The following HEPHL1 variants were observed in gnomAD, a reference collection of about 807,000 sequenced individuals.
HEPHL1 encodes ferroxidase HEPHL1.
In HEPHL1, 123 loss-of-function variants were observed where a neutral mutation model predicts 122.0. That is an observed-to-expected ratio of 1.01 (90% CI 0.87 to 1.17). The LOEUF is 1.17. HEPHL1 is among the 50% of genes most tolerant of loss of function. The pLI is 0.00. For synonymous variants in HEPHL1, 527 were observed against 508.9 expected, an observed-to-expected ratio of 1.04 and a Z score of -0.48; for missense variants, 1,452 against 1,430.5, an observed-to-expected ratio of 1.01 and a Z score of -0.24.
intron 1 of HEPHL1, among the ~76,000 whole-genome samples, chr11:94,032,244 T>C (rs1246790205): frequency 6.6e-6 from 1 of 152,216 alleles, no homozygotes; most frequent in African/African-American, 2.4e-5. Context: ...CCAGCTGCTC[T>C]ACCCCTTAAT....
chr11:94,064,618 T>C, intron 4 of HEPHL1, 108 bp downstream of exon 4: 1 of 744,536 alleles, frequency 1.3e-6, no homozygotes, highest in African/African-American at 1.8e-5. Flanking sequence ...GCATGATTTA[T>C]AACTCAGGGA....
At chr11:94,111,357 G>A (rs1241587481) in intron 18 of HEPHL1, among the ~76,000 whole-genome samples, 180 bp from the exon 19 acceptor site, 1 of 152,096 alleles carries the variant, frequency 6.6e-6, no homozygotes, top group African/African-American at 2.4e-5. Flanking sequence ...GAGCAGAAGT[G>A]GGAAAGACAG....
intron 9 of HEPHL1, among the ~76,000 whole-genome samples, chr11:94,079,870 C>A (rs1280375315): frequency 1.3e-5 from 2 of 152,094 alleles, no homozygotes; most frequent in Non-Finnish European, 2.9e-5. Context: ...GGGTGGGGAG[C>A]ATGTTAGAGA....
intron 11 of HEPHL1, among the ~76,000 whole-genome samples, chr11:94,088,353 C>A (rs139799086): frequency 1.3e-5 from 2 of 152,232 alleles, no homozygotes; most frequent in African/African-American, 4.8e-5. Context: ...AGAAATATGG[C>A]TTAATTTGAA....
Position 94,102,991 on chromosome 11 carries a change from G to T in HEPHL1, c.2653G>T (p.Val885Phe). Residue 885 changes from valine to phenylalanine, a missense_variant, in exon 15 of 20, where the codon GTT (valine) becomes TTT (phenylalanine). By Grantham distance (50) the Val-to-Phe change is conservative (BLOSUM62 -1). Coordinates refer to ENST00000315765, the MANE Select transcript of HEPHL1 (RefSeq NM_001098672.2). Reference sequence around the variant, plus strand: ...TTCTGATCCCAATTGTATTCCATGGGTTTACTATTCAACAGTAAACTTTGT... The same window carrying T: ...TTCTGATCCCAATTGTATTCCATGGTTTTACTATTCAACAGTAAACTTTGT... ...GPSDPNCIPWVYYSTVNFVKD... is the reference protein window; with the variant it reads ...GPSDPNCIPWFYYSTVNFVKD... 1 of 1,605,378 alleles carries T rather than the reference G, an allele frequency of 6.2e-7. No individual in the cohort carries two copies. Among genetic ancestry groups the T allele is most frequent in the Non-Finnish European group, 8.5e-7 (1 of 1,172,194 alleles).
intron 1 of HEPHL1, among the ~76,000 whole-genome samples, chr11:94,024,237 C>G (rs1945605477): frequency 6.6e-6 from 1 of 152,164 alleles, no homozygotes; most frequent in Non-Finnish European, 1.5e-5. Context: ...ATCCAGAGAC[C>G]TAACTTCTAA....
intron 12 of HEPHL1, among the ~76,000 whole-genome samples, 167 bp downstream of exon 12, chr11:94,089,135 C>T (rs2134443519): frequency 6.6e-6 from 1 of 152,294 alleles, no homozygotes; most frequent in Non-Finnish European, 1.5e-5. Flanking sequence ...CCTCGGCCTC[C>T]GGAAGGCAGC....
At chr11:94,068,867 A>G (rs1831665143) in intron 5 of HEPHL1, among the ~76,000 whole-genome samples, 1 of 152,202 alleles carries the variant, frequency 6.6e-6, no homozygotes, top group Admixed American at 6.6e-5. Flanking sequence ...TTTGGATACT[A>G]ACTTCCCATA....
intron 4 of HEPHL1, among the ~76,000 whole-genome samples, chr11:94,064,768 C>T (rs1193804004): frequency 3.3e-5 from 5 of 152,026 alleles, no homozygotes; most frequent in Non-Finnish European, 7.4e-5. Context: ...ATGGAGGGAT[C>T]GATGTTATAT....
At chr11:94,080,666 T>C (rs1232474738) in intron 9 of HEPHL1, among the ~76,000 whole-genome samples, 3 of 152,320 alleles carry the variant, frequency 2.0e-5, no homozygotes, top group Admixed American at 2.0e-4. Flanking sequence ...AAGACATCTA[T>C]GCAGCCAATA....
rs904140213 is a variant in HEPHL1 at position 94,113,177 on chromosome 11, G to A, written c.*1283G>A. 1.3e-5 allele frequency: 2 copies of A among 152,168 alleles called. No homozygotes were observed. Among genetic ancestry groups the A allele is most frequent in the Non-Finnish European group, 2.9e-5 (2 of 68,032 alleles). The allele number at this position is 152,168 out of a possible 1,614,324, so 9.4% of individuals were successfully genotyped here. A position where few individuals can be genotyped will look rare whatever the true frequency, so the allele number is the denominator to read the frequency against. On this transcript the variant is annotated 3_prime_UTR_variant, in exon 20 of 20. Transcript: ENST00000315765. ...GTCCATACCTATGCTTAGACAGTAG[G>A]TGTAAGATTGATAAAAGTAACATTG...
intron 2 of HEPHL1, among the ~76,000 whole-genome samples, chr11:94,050,933 G>A (rs1436033509): frequency 6.6e-6 from 1 of 151,976 alleles, no homozygotes; most frequent in East Asian, 1.9e-4. Flanking sequence ...TTCTGTGCCT[G>A]GCTTATTTCA....
At chr11:94,044,267 T>A (rs1334047850) in intron 1 of HEPHL1, among the ~76,000 whole-genome samples, 1 of 152,050 alleles carries the variant, frequency 6.6e-6, no homozygotes, top group Non-Finnish European at 1.5e-5. Flanking sequence ...AGGCATCTGG[T>A]CATCTCAAGT....
intron 1 of HEPHL1, among the ~76,000 whole-genome samples, chr11:94,037,291 G>A (rs1248515205): frequency 6.6e-6 from 1 of 151,948 alleles, no homozygotes; most frequent in African/African-American, 2.4e-5. Context: ...GAGGCTGGGG[G>A]AGGGGCGCCC....
chr11:94,091,440 C>T lies in HEPHL1; in HGVS notation c.2295-2061C>T, dbSNP rs571206240. ...TGGTCACTACCACATGTAACTGGGT[C>T]TCCTGAAAAATGAAAGTAGAAGAAA... On this transcript the variant is annotated intron_variant, in intron 12 of 19. Coordinates refer to ENST00000315765, the MANE Select transcript of HEPHL1 (RefSeq NM_001098672.2). Among the ~76,000 whole-genome samples the T allele has an allele frequency of 4.6e-5, 7 of 152,280 alleles. No individual in the cohort carries two copies. In the South Asian group the frequency reaches 1.5e-3, roughly 32 times the overall value.
At position 94,042,882 on chromosome 11, in the gene HEPHL1, A is replaced by AAAAAACAAAAAACAAAC. The variant is rs1555058752; in HGVS notation, c.171-2786_171-2785insCAAAAAACAAACAAAAA. Among the ~76,000 whole-genome samples the AAAAAACAAAAAACAAAC allele has an allele frequency of 6.7e-3, 914 of 136,856 alleles. 18 individuals are homozygous for AAAAAACAAAAAACAAAC. Among genetic ancestry groups the AAAAAACAAAAAACAAAC allele is most frequent in the Non-Finnish European group, 0.011 (674 of 64,002 alleles). The allele number at this position is 136,856 out of a possible 152,430, so 89.8% of individuals were successfully genotyped here. ...CTAAAACTTAAAGTATAATAAAAAA[A>AAAAAACAAAAAACAAAC]AAAAAAAAAAACTGCATGAATTGCT... On this transcript the variant is annotated intron_variant, in intron 1 of 19. Coordinates refer to ENST00000315765, the MANE Select transcript of HEPHL1 (RefSeq NM_001098672.2).
At chr11:94,047,815 G>A (rs1318588516) in intron 2 of HEPHL1, among the ~76,000 whole-genome samples, 1 of 152,122 alleles carries the variant, frequency 6.6e-6, no homozygotes, top group Non-Finnish European at 1.5e-5. Flanking sequence ...TTAGGCCAGT[G>A]ATTCTAAAGC....
chr11:94,112,463 C>T lies in HEPHL1; in HGVS notation c.*569C>T, dbSNP rs529785411. On this transcript the variant is annotated 3_prime_UTR_variant, in exon 20 of 20. Coordinates refer to ENST00000315765, the MANE Select transcript of HEPHL1 (RefSeq NM_001098672.2). ...GGAGGCTTTAACCAGCTCTCCTGGCCTTTTCCTCTTTGATATAAATAGCCT... is the reference window on the plus strand; with the variant it reads ...GGAGGCTTTAACCAGCTCTCCTGGCTTTTTCCTCTTTGATATAAATAGCCT... The T allele has an allele frequency of 6.6e-6, 1 of 152,354 alleles. No individual in the cohort carries two copies. Among genetic ancestry groups the T allele is most frequent in the Non-Finnish European group, 1.5e-5 (1 of 68,040 alleles). The allele number at this position is 152,354 out of a possible 1,614,324, so 9.4% of individuals were successfully genotyped here.
At chr11:94,054,048 T>A (rs913303292) in intron 2 of HEPHL1, among the ~76,000 whole-genome samples, 3 of 152,218 alleles carry the variant, frequency 2.0e-5, no homozygotes, top group Non-Finnish European at 2.9e-5. Context: ...GAGAGTTGAG[T>A]ATTGAAATCT....
Sources: allele counts gnomAD v4.1 joint callset (sites outside exome capture counted in the v4.1 genomes callset), GRCh38; gene constraint gnomAD v4.1.1; transcripts MANE v1.5; gene names NCBI Gene and HGNC (gene_info 2026-07-23, HGNC 2026-07-21).